The following CYP2J2 variants were observed in gnomAD, a reference collection of about 807,000 sequenced individuals.
CYP2J2 encodes cytochrome P450 2J2.
CYP2J2 carries 41 observed loss-of-function variants against 48.8 expected under a neutral mutation model. The observed-to-expected ratio is 0.84, with a 90% CI of 0.66 to 1.09. CYP2J2 has a LOEUF of 1.09. Among genes scored for constraint, CYP2J2 ranks in the 50% least tolerant of loss-of-function variants. CYP2J2 has a pLI of 0.00. For missense variants in CYP2J2, 644 were observed against 617.3 expected, an observed-to-expected ratio of 1.04 and a Z score of -0.46; for synonymous variants, 221 against 227.1, an observed-to-expected ratio of 0.97 and a Z score of 0.24.
At chr1:59,896,292 GTACA>G (rs1274159789) in intron 8 of CYP2J2, among the ~76,000 whole-genome samples, 1 of 144,856 alleles carries the variant, frequency 6.9e-6, no homozygotes, top group Non-Finnish European at 1.5e-5. Flanking sequence ...GTGTGTGTGT[GTACA>G]TATATAAAAT....
chr1:59,957,697 C>G, the CYP2J2 span, among the ~76,000 whole-genome samples: 1 of 151,130 alleles, frequency 6.6e-6, no homozygotes, highest in Non-Finnish European at 1.5e-5. Context: ...CACACACACA[C>G]ACACACCACA....
chr1:59,955,385 A>C, the CYP2J2 span, among the ~76,000 whole-genome samples: 3 of 151,276 alleles, frequency 2.0e-5, no homozygotes, highest in Non-Finnish European at 4.4e-5. Context: ...GTAGATAGGA[A>C]GGAGGGATGG....
rs1644377026 is a variant in CYP2J2 at position 59,907,789 on chromosome 1, G to T, written c.1000C>A (p.Gln334Lys). The T allele has an allele frequency of 6.2e-7, 1 of 1,613,814 alleles. No homozygotes were observed. The highest frequency in any genetic ancestry group is 2.2e-5 in the East Asian group (1 of 44,872). The change falls in exon 6 of 9, where the codon CAA (glutamine) becomes AAA (lysine). Residue 334 changes from glutamine to lysine, a missense_variant. Coordinates refer to ENST00000371204, the MANE Select transcript of CYP2J2 (RefSeq NM_000775.4). ...LLYMALYPEIQEKVQAEIDRV... is the reference protein window; with the variant it reads ...LLYMALYPEIKEKVQAEIDRV... ...GCTTACTCACTGACATGCTCACCTT[G>T]GATTTCTGGGTAGAGGGCCATATAA...
intron 1 of CYP2J2, among the ~76,000 whole-genome samples, chr1:59,916,799 T>C (rs1378464969): frequency 6.6e-6 from 1 of 151,882 alleles, no homozygotes; most frequent in East Asian, 1.9e-4. Flanking sequence ...ATAGAGAGAA[T>C]TCAGCACATC....
upstream of CYP2J2, among the ~76,000 whole-genome samples, chr1:59,929,383 G>T (rs1003136609): frequency 6.6e-6 from 1 of 152,192 alleles, no homozygotes; most frequent in Non-Finnish European, 1.5e-5. Context: ...AAGCAGGAAA[G>T]TGTGACCCAG....
At chr1:59,954,754 C>A in the CYP2J2 span, among the ~76,000 whole-genome samples, 1 of 151,500 alleles carries the variant, frequency 6.6e-6, no homozygotes, top group African/African-American at 2.4e-5. Flanking sequence ...AAGGAGGAGA[C>A]AAAAAACTAT....
rs560928073 is a variant in CYP2J2, at chr1:59,916,055, T to C, written c.256A>G (p.Ile86Val). 45 of 1,613,644 alleles carry C rather than the reference T, an allele frequency of 2.8e-5. No individual in the cohort carries two copies. In the African/African-American group the frequency reaches 5.3e-4, roughly 19 times the overall value. The change falls in exon 2 of 9, where the codon ATA (isoleucine) becomes GTA (valine). Residue 86 changes from isoleucine to valine, a missense_variant. By Grantham distance (29) the Ile-to-Val change is conservative. Transcript: ENST00000371204. ...AAGCCAGTAATAAGAACTGCAGATA[T>C]GTCACCAAGCTCCAAGCTAAAAAGG... ...GNLFSLELGD[I>V]SAVLITGLPL...
the CYP2J2 span, among the ~76,000 whole-genome samples, chr1:59,951,541 A>G: frequency 8.5e-5 from 13 of 152,304 alleles, no homozygotes; most frequent in Admixed American, 5.2e-4. Context: ...GAACCCTGTA[A>G]CTAGGCTTGG....
the CYP2J2 span, among the ~76,000 whole-genome samples, chr1:59,968,768 T>C: frequency 6.6e-6 from 1 of 152,366 alleles, no homozygotes; most frequent in East Asian, 1.9e-4. Context: ...GATGAGCATG[T>C]GCCTCTCCGA....
upstream of CYP2J2, among the ~76,000 whole-genome samples, chr1:59,931,209 C>A (rs1054255162): frequency 6.6e-6 from 1 of 152,090 alleles, no homozygotes; most frequent in African/African-American, 2.4e-5. Context: ...ACCACCAGTA[C>A]CACAGTAGGA....
At chr1:59,907,246 T>C (rs1491001655) in intron 6 of CYP2J2, among the ~76,000 whole-genome samples, 2 of 152,164 alleles carry the variant, frequency 1.3e-5, no homozygotes, top group Non-Finnish European at 2.9e-5. Flanking sequence ...GAGTTTACTA[T>C]GTAGGAAAAC....
Position 59,912,284 on chromosome 1 carries a change from C to T in CYP2J2, c.401G>A (p.Trp134Ter). ...NGLIMSSGQA[W>*]KEQRRFTLTA... ...CAGAGTGAACCTTCTTTGCTCCTTC[C>T]ATGCCTGGCCACTTGACATAATCAA... The change falls in exon 3 of 9, where the codon TGG becomes TAG. Residue 134 changes from tryptophan (W) to a stop codon, truncating the protein, a stop_gained. Coordinates refer to ENST00000371204, the MANE Select transcript of CYP2J2 (RefSeq NM_000775.4). LOFTEE classifies it high-confidence loss of function. 6.2e-7 allele frequency: 1 copy of T among 1,613,596 alleles called. No individual in the cohort carries two copies. Among genetic ancestry groups the T allele is most frequent in the Non-Finnish European group, 8.5e-7 (1 of 1,179,754 alleles).
At chr1:59,906,238 C>A (rs1260889175) in intron 6 of CYP2J2, among the ~76,000 whole-genome samples, 1 of 152,160 alleles carries the variant, frequency 6.6e-6, no homozygotes, top group Non-Finnish European at 1.5e-5. Flanking sequence ...TCAATTCTGG[C>A]TAATAGAATG....
chr1:59,923,368 C>A (rs951320135), intron 1 of CYP2J2, among the ~76,000 whole-genome samples: 3 of 152,166 alleles, frequency 2.0e-5, no homozygotes, highest in Admixed American at 6.5e-5. Flanking sequence ...TGTATAGTAT[C>A]CAGGGTAAGT....
chr1:59,904,568 G>GC (rs1644348874), intron 7 of CYP2J2: 2 of 270,540 alleles, frequency 7.4e-6, no homozygotes, highest in Non-Finnish European at 1.4e-5. Context: ...TAGAACTGCT[G>GC]CCTGCCACGT....
At position 59,916,280 on chromosome 1, in the gene CYP2J2, A is replaced by C. The variant is rs147101939; in HGVS notation, c.211-180T>G. Among the ~76,000 whole-genome samples, 83 of 151,814 alleles carry C rather than the reference A, an allele frequency of 5.5e-4. 2 individuals are homozygous for C. The East Asian group carries it at 0.016, about 29-fold the overall frequency. ...ACATTGGTCTCATGGGAATGCTTTTATTTCCTTTTCTCCTTCTCTCAACAA... is the reference window on the plus strand; with the variant it reads ...ACATTGGTCTCATGGGAATGCTTTTCTTTCCTTTTCTCCTTCTCTCAACAA... On this transcript the variant is annotated intron_variant, in intron 1 of 8. Transcript: ENST00000371204.
chr1:59,909,115 G>A (rs907639069), intron 5 of CYP2J2, among the ~76,000 whole-genome samples: 5 of 152,128 alleles, frequency 3.3e-5, no homozygotes, highest in Non-Finnish European at 5.9e-5. Flanking sequence ...GCATTCACAG[G>A]ACCTCAAACC....
the CYP2J2 span, among the ~76,000 whole-genome samples, chr1:59,961,808 T>C: frequency 2.0e-5 from 3 of 151,840 alleles, no homozygotes; most frequent in East Asian, 1.9e-4. Flanking sequence ...ATCCAAACAA[T>C]AGAATAAAAA....
At position 59,893,732 on chromosome 1, in the gene CYP2J2, A is replaced by C. The variant is rs772811317; in HGVS notation, c.1428T>G (p.Asn476Lys). 1.9e-6 allele frequency: 3 copies of C among 1,613,136 alleles called. No individual in the cohort carries two copies. The East Asian group carries it at 6.7e-5, about 36-fold the overall frequency. Reference protein sequence around the residue: ...MQKFTFRPPNNEKLSLKFRMG... With the variant: ...MQKFTFRPPNKEKLSLKFRMG... ...TTCTAAACTTCAGGCTCAGCTTCTCATTGTTTGGGGGCCTGAAGGTAAATT... is the reference window on the plus strand; with the variant it reads ...TTCTAAACTTCAGGCTCAGCTTCTCCTTGTTTGGGGGCCTGAAGGTAAATT... Residue 476 changes from asparagine to lysine, a missense_variant, in exon 9 of 9, where the codon AAT becomes AAG. Coordinates refer to ENST00000371204, the MANE Select transcript of CYP2J2 (RefSeq NM_000775.4).
Sources: allele counts gnomAD v4.1 joint callset (sites outside exome capture counted in the v4.1 genomes callset), GRCh38; gene constraint gnomAD v4.1.1; transcripts MANE v1.5; gene names NCBI Gene and HGNC (gene_info 2026-07-23, HGNC 2026-07-21).